Variants in GEMIN5 observed in about 807,000 individuals in gnomAD.
The protein encoded by GEMIN5 is gem nuclear organelle associated protein 5.
In GEMIN5, 124 loss-of-function variants were observed where a neutral mutation model predicts 176.9. The observed-to-expected ratio is 0.70, with a 90% CI of 0.61 to 0.81. The LOEUF is 0.81. GEMIN5 is among the 40% of genes least tolerant of loss of function. GEMIN5 has a pLI of 0.00. For synonymous variants in GEMIN5, 673 were observed against 665.2 expected, an observed-to-expected ratio of 1.01 and a Z score of -0.18; for missense variants, 1,843 against 1,814.6, an observed-to-expected ratio of 1.02 and a Z score of -0.28.
rs142812130 is a variant in GEMIN5 at position 154,906,285 on chromosome 5, C to T, written c.2396-809G>A. ...TGCTGGGATTACAGGCATGAACCAC[C>T]ATGCCCGCCTTACTTTGAACTTTGA... On this transcript the variant is annotated intron_variant, in intron 16 of 27. Transcript: ENST00000285873. Among the ~76,000 whole-genome samples the T allele has an allele frequency of 2.7e-3, 416 of 152,282 alleles. 3 individuals carry two copies. The highest frequency in any genetic ancestry group is 9.8e-3 in the African/African-American group (407 of 41,554).
At chr5:154,889,466 C>T (rs768274454) in intron 26 of GEMIN5, 49 bp from the exon 27 acceptor site, 3 of 1,003,062 alleles carry the variant, frequency 3.0e-6, no homozygotes, top group Non-Finnish European at 4.7e-6. Context: ...CCCTGGGTAA[C>T]ATTTTTCTCC....
intron 13 of GEMIN5, among the ~76,000 whole-genome samples, chr5:154,915,252 A>G (rs1261548031): frequency 6.6e-6 from 1 of 152,214 alleles, no homozygotes; most frequent in Non-Finnish European, 1.5e-5. Context: ...CTTGTTACAC[A>G]TAGGATTCTT....
At chr5:154,924,616 C>T in intron 8 of GEMIN5, 62 bp from the exon 9 acceptor site, 1 of 947,740 alleles carries the variant, frequency 1.1e-6, no homozygotes, top group Non-Finnish European at 1.7e-6. Flanking sequence ...TAAAGGAATC[C>T]TTACATTACC....
rs367934163 is a variant in GEMIN5, at chr5:154,892,748, TC to T, written c.3598-200del. 1,095 of 565,000 alleles carry T rather than the reference TC, an allele frequency of 1.9e-3. 10 individuals are homozygous for T. Among genetic ancestry groups the T allele is most frequent in the African/African-American group, 0.019 (991 of 53,266 alleles). The allele number at this position is 565,000 out of a possible 1,614,324, so 35.0% of individuals were successfully genotyped here. A position where few individuals can be genotyped will look rare whatever the true frequency, so the allele number is the denominator to read the frequency against. On this transcript the variant is annotated intron_variant, in intron 24 of 27. Coordinates refer to ENST00000285873, the MANE Select transcript of GEMIN5 (RefSeq NM_015465.5). Reference sequence around the variant, plus strand: ...CTAGTTGCACAGCAGCACACACACGTCCCGGTGTTAAAGTCTGTTCACACTG... The same window carrying T: ...CTAGTTGCACAGCAGCACACACACGTCCGGTGTTAAAGTCTGTTCACACTG...
At chr5:154,898,905 C>A (rs1376950349) in intron 22 of GEMIN5, among the ~76,000 whole-genome samples, 2 of 152,068 alleles carry the variant, frequency 1.3e-5, no homozygotes, top group African/African-American at 4.8e-5. Flanking sequence ...TTCAATCCAG[C>A]ATGGGTTGAG....
chr5:154,922,532 A>G (rs1763945535), intron 9 of GEMIN5, among the ~76,000 whole-genome samples: 3 of 152,240 alleles, frequency 2.0e-5, no homozygotes, highest in Admixed American at 2.0e-4. Context: ...GGCAATACCC[A>G]CCACTCTCTG....
Position 154,892,471 on chromosome 5 carries a change from C to G in GEMIN5, c.3676G>C (p.Ala1226Pro). The change falls in exon 25 of 28, where the codon GCG becomes CCG. Residue 1226 changes from alanine (A) to proline (P), a missense_variant. By Grantham distance (27) the Ala-to-Pro change is conservative. Transcript: ENST00000285873. ...CTCCGGACCACCGCCCGAAGGAGCG[C>G]CTGCACAGCCTCGTCCCAGGAGGCC... ...QMASWDEAVQ[A>P]LLRAVVRSYD... 1.2e-6 allele frequency: 2 copies of G among 1,614,198 alleles called. No homozygotes were observed. Among genetic ancestry groups the G allele is most frequent in the Non-Finnish European group, 1.7e-6 (2 of 1,180,022 alleles).
intron 24 of GEMIN5, 99 bp downstream of exon 24, chr5:154,895,993 C>G: frequency 7.2e-7 from 1 of 1,385,066 alleles, no homozygotes; most frequent in South Asian, 1.3e-5. Flanking sequence ...TTCTGAAACA[C>G]AGTCCAGTAT....
Position 154,896,131 on chromosome 5 carries a change from G to C in GEMIN5, c.3558C>G (p.Ile1186Met), listed in dbSNP as rs377618895. Reference sequence around the variant, plus strand: ...TGTTATTTGTAGCAGATGGGTACTTGATGTTCTGCAGCTTCTGAAAGGCTT... The same window carrying C: ...TGTTATTTGTAGCAGATGGGTACTTCATGTTCTGCAGCTTCTGAAAGGCTT... ...YQEAFQKLQN[I>M]KYPSATNNTP... Residue 1186 changes from isoleucine (I) to methionine (M), a missense_variant, in exon 24 of 28, where the codon ATC becomes ATG. Coordinates refer to ENST00000285873, the MANE Select transcript of GEMIN5 (RefSeq NM_015465.5). 2.5e-6 allele frequency: 4 copies of C among 1,613,924 alleles called. No individual in the cohort carries two copies. Among genetic ancestry groups the C allele is most frequent in the Non-Finnish European group, 3.4e-6 (4 of 1,179,922 alleles).
At chr5:154,911,145 T>G (rs1252626855) in intron 15 of GEMIN5, among the ~76,000 whole-genome samples, 1 of 152,244 alleles carries the variant, frequency 6.6e-6, no homozygotes, top group Non-Finnish European at 1.5e-5. Context: ...CAGTTTGTTC[T>G]CTACCTGTCC....
At chr5:154,888,942 C>G (rs1763164503) in intron 27 of GEMIN5, among the ~76,000 whole-genome samples, 1 of 151,718 alleles carries the variant, frequency 6.6e-6, no homozygotes, top group Non-Finnish European at 1.5e-5. Context: ...ACTGCAAGCT[C>G]CGCCTCCTGA....
intron 8 of GEMIN5, 97 bp downstream of exon 8, chr5:154,925,763 CTT>C: frequency 4.4e-6 from 3 of 675,108 alleles, no homozygotes; most frequent in Non-Finnish European, 7.8e-6. Context: ...TACTTTAAAA[CTT>C]TTGATTCTCA....
chr5:154,907,719 T>C lies in GEMIN5; in HGVS notation c.2267A>G (p.Glu756Gly). The change falls in exon 16 of 28, where the codon GAA becomes GGA. Residue 756 changes from glutamate to glycine, a missense_variant. Transcript: ENST00000285873. ...KPTLRTPVKL[E>G]SIDGNEEESM... ...TTCTTCTTCATTTCCATCAATCGAT[T>C]CCAGCTTTACAGGAGTTCTCAAGGT... 6.2e-7 allele frequency: 1 copy of C among 1,614,182 alleles called. No homozygotes were observed. Among genetic ancestry groups the C allele is most frequent in the Non-Finnish European group, 8.5e-7 (1 of 1,180,000 alleles).
chr5:154,909,133 A>ATTTTTTTTTTTTTTTTTTT (rs70981958), intron 15 of GEMIN5, among the ~76,000 whole-genome samples: 3 of 99,732 alleles, frequency 3.0e-5, no homozygotes, highest in Non-Finnish European at 1.9e-5. Context: ...TAATTTTTGT[A>ATTTTTTTTTTTTTTTTTTT]TTTTTTTTTT....
chr5:154,922,457 C>T (rs961399813), intron 9 of GEMIN5, among the ~76,000 whole-genome samples: 2 of 151,962 alleles, frequency 1.3e-5, no homozygotes, highest in Admixed American at 1.3e-4. Context: ...GCCCGGCCTA[C>T]TTTAGCCTAT....
At chr5:154,908,289 T>A (rs1306112929) in intron 15 of GEMIN5, among the ~76,000 whole-genome samples, 1 of 150,180 alleles carries the variant, frequency 6.7e-6, no homozygotes, top group Non-Finnish European at 1.5e-5. Flanking sequence ...CAAGCGATTC[T>A]CCTGCTTCAG....
At chr5:154,912,061 G>C (rs1440595391) in intron 14 of GEMIN5, among the ~76,000 whole-genome samples, 163 bp from the exon 15 acceptor site, 1 of 152,220 alleles carries the variant, frequency 6.6e-6, no homozygotes, top group Admixed American at 6.5e-5. Context: ...AATTTCAGAA[G>C]AGTGCTATTT....
intron 18 of GEMIN5, among the ~76,000 whole-genome samples, chr5:154,904,144 A>T (rs1763523345): frequency 6.6e-6 from 1 of 152,186 alleles, no homozygotes; most frequent in African/African-American, 2.4e-5. Flanking sequence ...TAAGAAAAAA[A>T]GATTTTTTTC....
At chr5:154,911,925 A>C (rs765942899) in intron 14 of GEMIN5, 27 bp from the exon 15 acceptor site, 7 of 1,600,956 alleles carry the variant, frequency 4.4e-6, no homozygotes, top group Non-Finnish European at 5.1e-6. Flanking sequence ...ATGGCCGAAA[A>C]GACATTTTCT....
Sources: allele counts gnomAD v4.1 joint callset (sites outside exome capture counted in the v4.1 genomes callset), GRCh38; gene constraint gnomAD v4.1.1; transcripts MANE v1.5; gene names NCBI Gene and HGNC (gene_info 2026-07-23, HGNC 2026-07-21).